Variants in FARSB observed in about 807,000 individuals in gnomAD.
The protein encoded by FARSB is phenylalanine--tRNA ligase beta subunit.
FARSB carries 40 observed loss-of-function variants against 69.6 expected under a neutral mutation model. That is an observed-to-expected ratio of 0.57 (90% CI 0.45 to 0.75). The LOEUF (loss-of-function observed/expected upper bound fraction) is 0.75, where lower values mean the gene tolerates loss of function less well. FARSB is among the 30% of genes least tolerant of loss of function. The pLI, the probability that FARSB is intolerant of heterozygous loss-of-function variation, is 0.00. For synonymous variants in FARSB, 235 were observed against 247.2 expected (o/e 0.95, Z 0.46); for missense variants, 632 against 722.9 (o/e 0.87, Z 1.44).
intron 1 of FARSB, among the ~76,000 whole-genome samples, chr2:222,652,949 T>G (rs1041284493): frequency 4.6e-5 from 7 of 152,220 alleles, no homozygotes; most frequent in African/African-American, 1.4e-4. Flanking sequence ...TTCATGGGTT[T>G]CTATACAAAG....
At position 222,634,459 on chromosome 2, in the gene FARSB, C is replaced by A. The variant is rs1272313396; in HGVS notation, c.538G>T (p.Asp180Tyr). 1.2e-6 allele frequency: 2 copies of A among 1,612,328 alleles called. No homozygotes were observed. ...TTATTTAGAGGCTTGAATTTGATAT[C>A]TGAAGGACGCTTTGCAGTATAAGTA... Reference protein sequence around the residue: ...PFTYTAKRPSDIKFKPLNKTK... With the variant: ...PFTYTAKRPSYIKFKPLNKTK... The change falls in exon 6 of 17, where the codon GAT becomes TAT. Residue 180 changes from aspartate to tyrosine, a missense_variant. Asp to Tyr is a radical substitution (Grantham distance 160). Transcript: ENST00000281828.
chr2:222,607,642 G>A, intron 15 of FARSB, among the ~76,000 whole-genome samples: 1 of 149,990 alleles, frequency 6.7e-6, no homozygotes. Context: ...AGGAGAAGTT[G>A]GATATTAAAA....
Position 222,619,662 on chromosome 2 carries a change from T to G in FARSB, c.1327A>C (p.Lys443Gln). The G allele has an allele frequency of 6.3e-7, 1 of 1,589,504 alleles. No homozygotes were observed. The highest frequency in any genetic ancestry group is 8.6e-7 in the Non-Finnish European group (1 of 1,158,222). Residue 443 changes from lysine to glutamine, a missense_variant, in exon 14 of 17, where the codon AAA (lysine) becomes CAA (glutamine). Coordinates refer to ENST00000281828, the MANE Select transcript of FARSB (RefSeq NM_005687.5). ...ATTCTTACCTGAAATTCAGCTGTTTTAGGATTACTTATGTGGACTGCCTTT... is the reference window on the plus strand; with the variant it reads ...ATTCTTACCTGAAATTCAGCTGTTTGAGGATTACTTATGTGGACTGCCTTT... ...ATKAVHISNP[K>Q]TAEFQVARTT...
chr2:222,616,357 G>C (rs975671541), intron 14 of FARSB, among the ~76,000 whole-genome samples: 6 of 152,084 alleles, frequency 3.9e-5, no homozygotes, highest in Non-Finnish European at 7.4e-5. Flanking sequence ...GACCATCCTG[G>C]CCAACACGGT....
chr2:222,595,575 TA>T (rs1290228778), intron 16 of FARSB, among the ~76,000 whole-genome samples: 4 of 152,194 alleles, frequency 2.6e-5, no homozygotes, highest in African/African-American at 9.7e-5. Context: ...ACTAAAGTTC[TA>T]AACCTTTTGT....
chr2:222,610,220 A>C (rs1359143259), intron 15 of FARSB, among the ~76,000 whole-genome samples: 3 of 152,208 alleles, frequency 2.0e-5, no homozygotes, highest in African/African-American at 7.2e-5. Context: ...TTGAACCAGT[A>C]GTTTAGGTAC....
At chr2:222,647,989 T>C (rs1009045110) in intron 2 of FARSB, among the ~76,000 whole-genome samples, 3 of 152,122 alleles carry the variant, frequency 2.0e-5, no homozygotes, top group African/African-American at 7.2e-5. Flanking sequence ...AGTTCCCAGA[T>C]GATGCTGCTG....
intron 13 of FARSB, among the ~76,000 whole-genome samples, 178 bp downstream of exon 13, chr2:222,623,472 A>C (rs553949751): frequency 6.6e-6 from 1 of 152,342 alleles, no homozygotes; most frequent in East Asian, 1.9e-4. Flanking sequence ...TGTAAAAACA[A>C]AAGCTTCAAC....
intron 15 of FARSB, among the ~76,000 whole-genome samples, chr2:222,612,122 C>A (rs1690871717): frequency 6.6e-6 from 1 of 152,134 alleles, no homozygotes; most frequent in South Asian, 2.1e-4. Context: ...GGAATTATAT[C>A]AAATTCTCAG....
chr2:222,654,527 C>A (rs1454660162), intron 1 of FARSB, among the ~76,000 whole-genome samples: 1 of 152,142 alleles, frequency 6.6e-6, no homozygotes, highest in African/African-American at 2.4e-5. Flanking sequence ...TTAACCTGTA[C>A]CACATCCCAT....
At chr2:222,603,343 T>A (rs1045437395) in intron 15 of FARSB, among the ~76,000 whole-genome samples, 2 of 152,182 alleles carry the variant, frequency 1.3e-5, no homozygotes, top group African/African-American at 4.8e-5. Flanking sequence ...ATGCCTTTTA[T>A]CTTCTAGATA....
intron 16 of FARSB, among the ~76,000 whole-genome samples, chr2:222,583,674 G>A (rs1197709758): frequency 1.3e-5 from 2 of 152,150 alleles, no homozygotes; most frequent in African/African-American, 2.4e-5. Flanking sequence ...TGGTTTGGCT[G>A]TGTCCCTACC....
At chr2:222,613,715 T>A in intron 15 of FARSB, 96 bp downstream of exon 15, 1 of 750,212 alleles carries the variant, frequency 1.3e-6, no homozygotes, top group Non-Finnish European at 2.3e-6. Flanking sequence ...AGGGGCTAAT[T>A]ATACTATTTT....
intron 16 of FARSB, among the ~76,000 whole-genome samples, chr2:222,582,623 G>A (rs1458920710): frequency 6.6e-6 from 1 of 152,094 alleles, no homozygotes; most frequent in African/African-American, 2.4e-5. Context: ...AACAGAATGA[G>A]CAAACAAGCA....
At chr2:222,594,093 C>CAA (rs33937937) in intron 16 of FARSB, among the ~76,000 whole-genome samples, 15,903 of 51,558 alleles carry the variant, frequency 0.31, 5,334 homozygotes, top group South Asian at 0.4. Flanking sequence ...CCCGCCTCTA[C>CAA]AAAAAAAAAA....
rs142148801 is a variant in FARSB, at chr2:222,629,490, G to A, written c.849-602C>T. On this transcript the variant is annotated intron_variant, in intron 9 of 16. Coordinates refer to ENST00000281828, the MANE Select transcript of FARSB (RefSeq NM_005687.5). The stretch of plus-strand genomic sequence containing the variant: ...ACCTCTGTTTAGCTGCTCTTTTGCT[G>A]TTCCTCCATCTATATATTCTCAAAT... Among the ~76,000 whole-genome samples, 422 of 152,150 alleles carry A rather than the reference G, an allele frequency of 2.8e-3. 4 individuals carry two copies. Among genetic ancestry groups the A allele is most frequent in the African/African-American group, 9.6e-3 (399 of 41,508 alleles).
intron 13 of FARSB, among the ~76,000 whole-genome samples, chr2:222,622,534 A>G (rs1415324090): frequency 6.6e-6 from 1 of 152,198 alleles, no homozygotes; most frequent in Non-Finnish European, 1.5e-5. Context: ...AAATAAAAAT[A>G]TATTTTTCAA....
At chr2:222,617,460 A>G (rs35336168) in intron 14 of FARSB, among the ~76,000 whole-genome samples, 56,624 of 152,082 alleles carry the variant, frequency 0.37, 10,968 homozygotes, top group Middle Eastern at 0.49. Context: ...GGGGAGCAAG[A>G]GCTGAAAAAC....
intron 10 of FARSB, among the ~76,000 whole-genome samples, chr2:222,627,554 GATAA>G (rs1388533774): frequency 6.6e-6 from 1 of 152,156 alleles, no homozygotes; most frequent in Non-Finnish European, 1.5e-5. Context: ...AGAATCATGA[GATAA>G]ATAAATGGTT....
Sources: gnomAD v4.1 joint callset for allele counts (sites outside exome capture counted in the v4.1 genomes callset) on GRCh38, gnomAD v4.1.1 for gene constraint, MANE v1.5 for transcripts, NCBI Gene and HGNC (gene_info 2026-07-23, HGNC 2026-07-21) for gene names.